IQCH: variants seen among roughly 807,000 people sequenced by gnomAD.
IQCH encodes the protein IQ motif containing H, also known as IQ domain-containing protein H.
A neutral mutation model predicts 117.0 loss-of-function variants in IQCH; 98 were observed. The observed-to-expected ratio is 0.84, with a 90% confidence interval of 0.71 to 0.99. IQCH has a LOEUF of 0.99. IQCH is among the 50% of genes least tolerant of loss of function. The pLI, the probability that IQCH is intolerant of heterozygous loss-of-function variation, is 0.00. For synonymous variants in IQCH, 412 were observed against 448.2 expected, an observed-to-expected ratio of 0.92 and a Z score of 1.02; for missense variants, 1,102 against 1,243.8, an observed-to-expected ratio of 0.89 and a Z score of 1.72.
chr15:67,348,414 G>A (rs930942079), intron 6 of IQCH, among the ~76,000 whole-genome samples: 3 of 151,512 alleles, frequency 2.0e-5, no homozygotes, highest in Non-Finnish European at 4.4e-5. Flanking sequence ...TAACAAGGAA[G>A]TTCAGCAAGG....
At chr15:67,480,914 T>C (rs562020055) in intron 18 of IQCH, among the ~76,000 whole-genome samples, 9 of 152,096 alleles carry the variant, frequency 5.9e-5, no homozygotes, top group African/African-American at 1.9e-4. Flanking sequence ...TATGAGCTTC[T>C]GAATGAATCA....
In IQCH at chr15:67,359,981, C is replaced by T; in HGVS notation, c.753+96C>T. 1.2e-6 allele frequency: 1 copy of T among 851,906 alleles called. No individual in the cohort carries two copies. The allele number at this position is 851,906 out of a possible 1,614,324, so 52.8% of individuals were successfully genotyped here. On this transcript the variant is annotated intron_variant, in intron 8 of 20. Transcript: ENST00000335894. This position sits in a 1 kb window ranked among gnomAD's most constrained non-coding sequence, Gnocchi z 4.5. ...AAGAGTATGGGTGACTGCTTGACAG[C>T]TGGAGATGGCAACAAAAGTTCGTGC...
At chr15:67,399,842 C>T (rs1156501472) in intron 13 of IQCH, among the ~76,000 whole-genome samples, 1 of 152,174 alleles carries the variant, frequency 6.6e-6, no homozygotes, top group Non-Finnish European at 1.5e-5. Flanking sequence ...CTTTCTTTTG[C>T]CTTCAGAAGC....
At chr15:67,448,902 TA>T (rs1235479789) in intron 16 of IQCH, among the ~76,000 whole-genome samples, 1 of 152,208 alleles carries the variant, frequency 6.6e-6, no homozygotes, top group Non-Finnish European at 1.5e-5. Context: ...GTTTCCTGAC[TA>T]ATGATCGCCA....
chr15:67,303,410 G>T (rs1162053667), intron 4 of IQCH, among the ~76,000 whole-genome samples: 1 of 152,082 alleles, frequency 6.6e-6, no homozygotes, highest in African/African-American at 2.4e-5. Flanking sequence ...ACACTTTAAA[G>T]GGGTGAATTT....
chr15:67,296,199 A>G (rs138499876), intron 4 of IQCH, among the ~76,000 whole-genome samples: 714 of 152,314 alleles, frequency 4.7e-3, no homozygotes, highest in Non-Finnish European at 7.2e-3. Flanking sequence ...AATTCTGTTA[A>G]AGAAAGAGAG....
intron 4 of IQCH, among the ~76,000 whole-genome samples, chr15:67,280,690 G>C (rs924200727): frequency 6.6e-6 from 1 of 152,006 alleles, no homozygotes; most frequent in Non-Finnish European, 1.5e-5. Flanking sequence ...TTTGGTGGGC[G>C]GGGGGAGGCG....
rs927056309 is a variant in IQCH at position 67,381,426 on chromosome 15, T to C, written c.1373-3510T>C. On this transcript the variant is annotated intron_variant, in intron 10 of 20. Transcript: ENST00000335894. The surrounding 1 kb of genome is among the most constrained non-coding windows in gnomAD (Gnocchi z 5.1). Reference sequence around the variant, plus strand: ...GCTTATTTGAGAAAAGACGGAACTCTCTATCAAACTAGGAATATTTTGCGG... The same window carrying C: ...GCTTATTTGAGAAAAGACGGAACTCCCTATCAAACTAGGAATATTTTGCGG... Among the ~76,000 whole-genome samples the C allele has an allele frequency of 6.6e-6, 1 of 152,194 alleles. No homozygotes were observed. Among genetic ancestry groups the C allele is most frequent in the African/African-American group, 2.4e-5 (1 of 41,446 alleles).
In IQCH at chr15:67,500,204, C is replaced by T. The variant is rs1596512776; in HGVS notation, c.2971-429C>T. Among the ~76,000 whole-genome samples, 1 of 152,276 alleles carries T rather than the reference C, an allele frequency of 6.6e-6. No homozygotes were observed. Among genetic ancestry groups the T allele is most frequent in the East Asian group, 1.9e-4 (1 of 5,186 alleles). Reference sequence around the variant, plus strand: ...AACCAATGGAAAGAAACCTTCCCATCAGCCTATTAGCCCTCATTTTAGGGT... The same window carrying T: ...AACCAATGGAAAGAAACCTTCCCATTAGCCTATTAGCCCTCATTTTAGGGT... On this transcript the variant is annotated intron_variant, in intron 20 of 20. Coordinates refer to ENST00000335894, the MANE Select transcript of IQCH (RefSeq NM_001031715.3). This position sits in a 1 kb window ranked among gnomAD's most constrained non-coding sequence, Gnocchi z 4.4.
intron 4 of IQCH, among the ~76,000 whole-genome samples, chr15:67,304,753 TAGAG>T (rs933935525): frequency 9.2e-5 from 14 of 152,136 alleles, no homozygotes; most frequent in African/African-American, 3.4e-4. Flanking sequence ...AAAGAATTAA[TAGAG>T]AAATTTTAAA....
chr15:67,363,999 T>C (rs1358234187), intron 8 of IQCH, among the ~76,000 whole-genome samples: 1 of 152,218 alleles, frequency 6.6e-6, no homozygotes, highest in Non-Finnish European at 1.5e-5. Flanking sequence ...CTATTGTGAA[T>C]AGTGCTGCAG....
intron 8 of IQCH, 194 bp downstream of exon 8, chr15:67,360,079 C>T: frequency 1.9e-6 from 1 of 535,972 alleles, no homozygotes; most frequent in Non-Finnish European, 3.3e-6. Context: ...AGTGAAAACC[C>T]TTTTTTGCCT....
At chr15:67,256,633 A>G (rs1312868011) in intron 1 of IQCH, among the ~76,000 whole-genome samples, 3 of 152,210 alleles carry the variant, frequency 2.0e-5, no homozygotes, top group African/African-American at 4.8e-5. Context: ...TTTGCTGCAC[A>G]TACCCACTCT....
rs59962165 is a variant in IQCH at position 67,370,962 on chromosome 15, T to TG, written c.754-1141dup. On this transcript the variant is annotated intron_variant, in intron 8 of 20. Transcript: ENST00000335894. This position sits in a 1 kb window ranked among gnomAD's most constrained non-coding sequence, Gnocchi z 5.6. ...GGCGTAATCATTATGGATAAATTGC[T>TG]GGGGGGGGTTTTCTTTGAGTTTTTT... 0.45 allele frequency among the ~76,000 whole-genome samples: 65,205 copies of TG among 145,268 alleles called. 14,657 individuals are homozygous for TG. Among genetic ancestry groups the TG allele is most frequent in the Non-Finnish European group, 0.51 (33,427 of 65,802 alleles).
chr15:67,394,966 G>A (rs905048749), intron 12 of IQCH, among the ~76,000 whole-genome samples: 1 of 152,168 alleles, frequency 6.6e-6, no homozygotes, highest in Non-Finnish European at 1.5e-5. Context: ...CATGCCAGAA[G>A]TGTTGCAGAG....
chr15:67,265,643 G>A (rs1198467234), intron 3 of IQCH, among the ~76,000 whole-genome samples: 1 of 152,204 alleles, frequency 6.6e-6, no homozygotes, highest in Non-Finnish European at 1.5e-5. Context: ...GTCACAGCGT[G>A]TGACTCAGTA....
At chr15:67,301,401 GTTTTTT>G (rs10663973) in intron 4 of IQCH, among the ~76,000 whole-genome samples, 2 of 75,370 alleles carry the variant, frequency 2.7e-5, no homozygotes, top group Non-Finnish European at 4.6e-5. Flanking sequence ...GTTATGTTAA[GTTTTTT>G]TTTTTTTTTT....
rs1372449426 is a variant in IQCH, at chr15:67,493,933, T to C, written c.2862-325T>C. Among the ~76,000 whole-genome samples, 2 of 152,202 alleles carry C rather than the reference T, an allele frequency of 1.3e-5. No homozygotes were observed. The highest frequency in any genetic ancestry group is 2.9e-5 in the Non-Finnish European group (2 of 68,030). ...GTTTGGTTTTCTGTCCTTGCGATAG[T>C]TTGCTGAGAATGATGGGCTTAAACC... On this transcript the variant is annotated intron_variant, in intron 19 of 20. Coordinates refer to ENST00000335894, the MANE Select transcript of IQCH (RefSeq NM_001031715.3). The surrounding 1 kb of genome is among the most constrained non-coding windows in gnomAD (Gnocchi z 5.1).
chr15:67,340,564 A>G (rs1354795091), intron 5 of IQCH, among the ~76,000 whole-genome samples: 3 of 151,892 alleles, frequency 2.0e-5, no homozygotes, highest in African/African-American at 4.8e-5. Context: ...ATGTCTTAGT[A>G]CAAAGAGAGC....
Sources: allele counts gnomAD v4.1 joint callset (sites outside exome capture counted in the v4.1 genomes callset), GRCh38; gene constraint gnomAD v4.1.1; non-coding constraint Gnocchi (gnomAD v3.1); transcripts MANE v1.5; gene names NCBI Gene and HGNC (gene_info 2026-07-23, HGNC 2026-07-21).